RNF166: variants seen among roughly 807,000 people sequenced by gnomAD.
RNF166 encodes E3 ubiquitin-protein ligase RNF166.
RNF166 carries 19 observed loss-of-function variants against 29.4 expected under a neutral mutation model. That is an observed-to-expected ratio of 0.65 (90% CI 0.45 to 0.95). The LOEUF (loss-of-function observed/expected upper bound fraction) is 0.95, where lower values mean the gene tolerates loss of function less well. Ranked by LOEUF, RNF166 falls within the 40% of genes least tolerant of loss-of-function variation. The pLI is 0.00. For synonymous variants in RNF166, 171 were observed against 134.5 expected (o/e 1.27, Z -1.88); for missense variants, 347 against 322.1 (o/e 1.08, Z -0.59).
chr16:88,698,975 C>A lies in RNF166; in HGVS notation c.536G>T (p.Arg179Leu), dbSNP rs370524434. 6.3e-7 allele frequency: 1 copy of A among 1,588,642 alleles called. No individual in the cohort carries two copies. Among genetic ancestry groups the A allele is most frequent in the Admixed American group, 1.8e-5 (1 of 56,570 alleles). ...CTTGGGGCAGGCACTGCTCACCACGCGGTTGGGGTCGCTGCGGTGGCTTTC... is the reference window on the plus strand; with the variant it reads ...CTTGGGGCAGGCACTGCTCACCACGAGGTTGGGGTCGCTGCGGTGGCTTTC... Reference protein sequence around the residue: ...CVESHRSDPNRVVCPICSAMP... With the variant: ...CVESHRSDPNLVVCPICSAMP... The change falls in exon 4 of 6, where the codon CGC (arginine) becomes CTC (leucine). Residue 179 changes from arginine to leucine, a missense_variant. Arg to Leu is a moderately radical substitution (Grantham distance 102). Coordinates refer to ENST00000312838, the MANE Select transcript of RNF166 (RefSeq NM_178841.4).
chr16:88,697,943 T>C (rs1427734753), intron 5 of RNF166: 8 of 470,376 alleles, frequency 1.7e-5, no homozygotes, highest in South Asian at 1.0e-4. Context: ...CCTCTAACAA[T>C]TTCCATCCTG....
chr16:88,702,833 C>T (rs893852622), intron 1 of RNF166: 1 of 985,384 alleles, frequency 1.0e-6, no homozygotes, highest in Non-Finnish European at 1.2e-6. Context: ...CTGGCACTGA[C>T]CCCTGGATTT....
intron 1 of RNF166, chr16:88,702,802 C>A: frequency 1.0e-6 from 1 of 985,508 alleles, no homozygotes; most frequent in Non-Finnish European, 1.2e-6. Context: ...GGCGCCCCAG[C>A]AGATATTTCC....
intron 1 of RNF166, 98 bp downstream of exon 1, chr16:88,706,073 C>G: frequency 2.4e-6 from 2 of 822,902 alleles, no homozygotes; most frequent in Non-Finnish European, 3.0e-6. Flanking sequence ...TCCCCGCGCG[C>G]CCAGTCCGGA....
In RNF166 at chr16:88,706,263, C is replaced by A; in HGVS notation, c.63G>T (p.Ala21=). Reference sequence around the variant, plus strand: ...GCGCCTCCAGGCCGCTGTCGCCGCCCGCCGGCCCGGCCGGCGGCTGCCGCT... The same window carrying A: ...GCGCCTCCAGGCCGCTGTCGCCGCCAGCCGGCCCGGCCGGCGGCTGCCGCT... ...AQQRQPPAGP[A]GGDSGLEAQY... The change falls in exon 1 of 6, where the codon GCG becomes GCT. Residue 21 remains alanine (A), a synonymous_variant. Transcript: ENST00000312838. 2 of 1,304,322 alleles carry A rather than the reference C, an allele frequency of 1.5e-6. No individual in the cohort carries two copies. Among genetic ancestry groups the A allele is most frequent in the South Asian group, 3.8e-5 (2 of 52,926 alleles). The allele number at this position is 1,304,322 out of a possible 1,614,324, so 80.8% of individuals were successfully genotyped here. A position where few individuals can be genotyped will look rare whatever the true frequency, so the allele number is the denominator to read the frequency against.
chr16:88,705,744 C>G (rs1339591433), intron 1 of RNF166, among the ~76,000 whole-genome samples: 1 of 152,226 alleles, frequency 6.6e-6, no homozygotes, highest in Non-Finnish European at 1.5e-5. Flanking sequence ...ACAGCGGGTC[C>G]GAACAAGAGT....
intron 5 of RNF166, chr16:88,697,932 A>G: frequency 2.1e-6 from 1 of 479,148 alleles, no homozygotes; most frequent in South Asian, 2.6e-5. Flanking sequence ...GGGCTCCCTG[A>G]CCTCTAACAA....
At chr16:88,698,634 C>T (rs367960205) in intron 4 of RNF166, 25 bp from the exon 5 acceptor site, 17 of 1,475,532 alleles carry the variant, frequency 1.2e-5, no homozygotes, top group African/African-American at 2.8e-5. Context: ...GGGGTCAAGC[C>T]GAGCCGGACC....
chr16:88,705,085 G>A (rs1910642678), intron 1 of RNF166, among the ~76,000 whole-genome samples: 2 of 152,228 alleles, frequency 1.3e-5, no homozygotes, highest in Admixed American at 1.3e-4. Context: ...AGCCTCACAA[G>A]AGAAGTAGGT....
chr16:88,702,246 G>C (rs899093810), intron 1 of RNF166, among the ~76,000 whole-genome samples: 1 of 152,202 alleles, frequency 6.6e-6, no homozygotes, highest in Non-Finnish European at 1.5e-5. Context: ...CAAACACAGA[G>C]AAGGAGCTTA....
In RNF166 at chr16:88,698,936, T is replaced by TGGC. The variant is rs753731506; in HGVS notation, c.540+32_540+34dup. 3.0e-5 allele frequency: 44 copies of TGGC among 1,472,938 alleles called. No individual in the cohort carries two copies. The Admixed American group carries it at 4.6e-4, about 16-fold the overall frequency. 91.2% of individuals were successfully genotyped at this position (1,472,938 alleles called of 1,614,324 possible). On this transcript the variant is annotated intron_variant, in intron 4 of 5. Coordinates refer to ENST00000312838, the MANE Select transcript of RNF166 (RefSeq NM_178841.4). ...TGTACTGTCCCCCACAGGCCTCCCC[T>TGGC]GGCGCAGGCGTCGCTTGGGGCAGGC...
At chr16:88,699,484 G>T in intron 3 of RNF166, 136 bp downstream of exon 3, 1 of 667,718 alleles carries the variant, frequency 1.5e-6, no homozygotes, top group Non-Finnish European at 2.5e-6. Flanking sequence ...AGGGTGGCAA[G>T]GAAGGTCCAC....
Position 88,702,853 on chromosome 16 carries a change from G to A in RNF166, c.156-1435C>T, listed in dbSNP as rs560704304. On this transcript the variant is annotated intron_variant, in intron 1 of 5. Coordinates refer to ENST00000312838, the MANE Select transcript of RNF166 (RefSeq NM_178841.4). The stretch of plus-strand genomic sequence containing the variant: ...ACTGACCCCTGGATTTGAGCCGGGG[G>A]GGCCGCCTACTTCACCCGTTCACGG... The A allele has an allele frequency of 8.1e-6, 8 of 985,496 alleles. No individual in the cohort carries two copies. In the East Asian group the frequency reaches 3.4e-4, roughly 42 times the overall value. 61.0% of individuals were successfully genotyped at this position (985,496 alleles called of 1,614,324 possible).
chr16:88,706,171 G>A lies in RNF166; in HGVS notation c.155C>T (p.Thr52Met), dbSNP rs908961351. The change falls in exon 1 of 6, where the codon ACG becomes ATG. Residue 52 changes from threonine to methionine, a missense_variant and splice_region_variant. Physicochemically the swap from Thr to Met is moderately conservative, Grantham distance 81. Coordinates refer to ENST00000312838, the MANE Select transcript of RNF166 (RefSeq NM_178841.4). ...RPVAIGSCGHTFCGECLQPCL... is the reference protein window; with the variant it reads ...RPVAIGSCGHMFCGECLQPCL... ...GCGGCCCCTGGGCGGGCGCGCTCAC[G>A]TGTGGCCGCAGCTGCCGATGGCCAC... The A allele has an allele frequency of 6.4e-6, 8 of 1,248,738 alleles. No homozygotes were observed. The African/African-American group carries it at 1.1e-4, about 17-fold the overall frequency. 77.4% of individuals were successfully genotyped at this position (1,248,738 alleles called of 1,614,324 possible).
intron 3 of RNF166, 51 bp from the exon 4 acceptor site, chr16:88,699,136 T>C: frequency 3.2e-6 from 4 of 1,249,260 alleles, no homozygotes; most frequent in Non-Finnish European, 3.5e-6. Flanking sequence ...CTAGGGGCTC[T>C]GCCTCCCCGC....
At chr16:88,703,750 G>A (rs565662982) in intron 1 of RNF166, 89 of 985,488 alleles carry the variant, frequency 9.0e-5, no homozygotes, top group African/African-American at 5.8e-4. Flanking sequence ...AGGGAGGGGC[G>A]ATCGCGCACT....
rs1355500945 is a variant in RNF166, at chr16:88,706,290, C to G, written c.36G>C (p.Gln12His). The G allele has an allele frequency of 7.8e-7, 1 of 1,285,546 alleles. No homozygotes were observed. Among genetic ancestry groups the G allele is most frequent in the East Asian group, 3.5e-5 (1 of 28,984 alleles). The allele number at this position is 1,285,546 out of a possible 1,614,324, so 79.6% of individuals were successfully genotyped here. Residue 12 changes from glutamine to histidine, a missense_variant, in exon 1 of 6, where the codon CAG (glutamine) becomes CAC (histidine). Gln to His is a conservative substitution (Grantham distance 24). Transcript: ENST00000312838. ...AMFRSLVASAQQRQPPAGPAG... is the reference protein window; with the variant it reads ...AMFRSLVASAHQRQPPAGPAG... ...CCGGCCCGGCCGGCGGCTGCCGCTG[C>G]TGAGCCGAGGCCACCAGGCTGCGGA... is the stretch of plus-strand genomic sequence containing the variant.
At chr16:88,697,776 C>T in intron 5 of RNF166, 143 bp from the exon 6 acceptor site, 2 of 653,552 alleles carry the variant, frequency 3.1e-6, no homozygotes, top group Non-Finnish European at 5.6e-6. Context: ...ACTGTCCCCA[C>T]AGGCTCGGGG....
chr16:88,698,656 G>T, intron 4 of RNF166, 47 bp from the exon 5 acceptor site: 1 of 1,409,330 alleles, frequency 7.1e-7, no homozygotes, highest in Non-Finnish European at 9.6e-7. Context: ...CGGAGAGGCG[G>T]GGTAGCCGCA....
Sources: allele counts gnomAD v4.1 joint callset (sites outside exome capture counted in the v4.1 genomes callset), GRCh38; gene constraint gnomAD v4.1.1; transcripts MANE v1.5; gene names NCBI Gene and HGNC (gene_info 2026-07-23, HGNC 2026-07-21).